MARCHF4: variants seen among roughly 807,000 people sequenced by gnomAD.
The protein encoded by MARCHF4 is membrane associated ring-CH-type finger 4.
In MARCHF4, 14 loss-of-function variants were observed where a neutral mutation model predicts 43.9. The observed-to-expected ratio is 0.32, with a 90% confidence interval of 0.21 to 0.50. MARCHF4 has a LOEUF of 0.50. MARCHF4 is among the 20% of genes least tolerant of loss of function. MARCHF4 has a pLI of 0.98. For missense variants in MARCHF4, 468 were observed against 536.7 expected (o/e 0.87, Z 1.27); for synonymous variants, 226 against 213.3 (o/e 1.06, Z -0.52).
chr2:216,295,560 T>C (rs541403953), intron 1 of MARCHF4, among the ~76,000 whole-genome samples: 14 of 152,332 alleles, frequency 9.2e-5, no homozygotes, highest in Non-Finnish European at 2.1e-4. Flanking sequence ...TGTGGTGTCA[T>C]TGTTGGCTTT....
At chr2:216,343,387 T>G (rs1265396453) in intron 1 of MARCHF4, among the ~76,000 whole-genome samples, 1 of 152,126 alleles carries the variant, frequency 6.6e-6, no homozygotes, top group Non-Finnish European at 1.5e-5. Flanking sequence ...AGCTTTAGTC[T>G]CTTGCTTTTC....
chr2:216,319,507 G>C (rs1052480662), intron 1 of MARCHF4, among the ~76,000 whole-genome samples: 10 of 152,056 alleles, frequency 6.6e-5, no homozygotes, highest in African/African-American at 2.4e-4. Context: ...AAACTATCCA[G>C]GCCCTACCTG....
At position 216,283,577 on chromosome 2, in the gene MARCHF4, C is replaced by A; in HGVS notation, c.669G>T (p.Leu223=). 6.2e-7 allele frequency: 1 copy of A among 1,600,048 alleles called. No homozygotes were observed. The change falls in exon 2 of 4, where the codon CTG becomes CTT. Residue 223 remains leucine (L), a synonymous_variant. Transcript: ENST00000273067. ...ACCAGGCAGCCCTGGGTTGTACCTG[C>A]AGAGGATTTTTTGTGCTTATGGCGA... The part of the protein sequence containing the change: ...HVIAISTKNP[L]QWQAISLTVI...
intron 1 of MARCHF4, among the ~76,000 whole-genome samples, chr2:216,307,163 A>G (rs1298713322): frequency 3.3e-5 from 5 of 152,088 alleles, no homozygotes; most frequent in African/African-American, 1.2e-4. Context: ...AGCACGTTAG[A>G]TGGGCCCTCT....
intron 1 of MARCHF4, among the ~76,000 whole-genome samples, chr2:216,330,431 A>T (rs1692067575): frequency 6.6e-6 from 1 of 152,214 alleles, no homozygotes. Context: ...ACTTTACCAC[A>T]TCTCTCTTGA....
chr2:216,300,119 A>C (rs1691463023), intron 1 of MARCHF4, among the ~76,000 whole-genome samples: 2 of 152,078 alleles, frequency 1.3e-5, no homozygotes, highest in South Asian at 4.2e-4. Context: ...TACCACATTA[A>C]CTTTGTGACC....
intron 1 of MARCHF4, among the ~76,000 whole-genome samples, chr2:216,344,104 T>C (rs1336951664): frequency 1.3e-5 from 2 of 152,110 alleles, no homozygotes; most frequent in Non-Finnish European, 2.9e-5. Flanking sequence ...GAAGATAGTC[T>C]TACTATGATT....
In MARCHF4 at chr2:216,287,209, A is replaced by G. The variant is rs1386624037; in HGVS notation, c.517-3480T>C. Among the ~76,000 whole-genome samples the G allele has an allele frequency of 2.0e-5, 3 of 152,260 alleles. No individual in the cohort carries two copies. The East Asian group carries it at 5.8e-4, about 29-fold the overall frequency. On this transcript the variant is annotated intron_variant, in intron 1 of 3. Transcript: ENST00000273067. ...CTTCACCATTTTCAAATGCTCTGGG[A>G]TTAGAGCTGCTCCTACATACCCCCT...
At chr2:216,297,471 C>T (rs377744209) in intron 1 of MARCHF4, among the ~76,000 whole-genome samples, 1 of 152,270 alleles carries the variant, frequency 6.6e-6, no homozygotes, top group Non-Finnish European at 1.5e-5. Context: ...GCACTGTTTC[C>T]GTCCAAAGGA....
At chr2:216,318,331 G>A (rs1265450131) in intron 1 of MARCHF4, among the ~76,000 whole-genome samples, 1 of 152,234 alleles carries the variant, frequency 6.6e-6, no homozygotes, top group Admixed American at 6.5e-5. Flanking sequence ...GCCAACTGCT[G>A]TAGGGGACGG....
In MARCHF4 at chr2:216,283,741, G is replaced by A. The variant is rs1437849215; in HGVS notation, c.517-12C>T. 3 of 1,593,540 alleles carry A rather than the reference G, an allele frequency of 1.9e-6. No homozygotes were observed. The East Asian group carries it at 6.8e-5, about 36-fold the overall frequency. ...CTCAGCAGCTCCCCCTGCAGGGAGA[G>A]AGCACAGGGTGATGAGGCTGAGACC... On this transcript the variant is annotated splice_polypyrimidine_tract_variant and intron_variant, in intron 1 of 3. Coordinates refer to ENST00000273067, the MANE Select transcript of MARCHF4 (RefSeq NM_020814.3).
chr2:216,277,516 C>T (rs1349749199), intron 3 of MARCHF4, among the ~76,000 whole-genome samples, 156 bp downstream of exon 3: 2 of 152,148 alleles, frequency 1.3e-5, no homozygotes, highest in African/African-American at 4.8e-5. Context: ...CCCATCCACC[C>T]CTTGAATCCA....
chr2:216,327,354 C>T (rs978681409), intron 1 of MARCHF4, among the ~76,000 whole-genome samples: 11 of 152,068 alleles, frequency 7.2e-5, no homozygotes, highest in African/African-American at 2.4e-4. Context: ...TTCACCCCCC[C>T]ACCACCAGCA....
chr2:216,259,080 T>C lies in MARCHF4; in HGVS notation c.*232A>G. ...GTTCAGCCTGTATTGCACTTTGTTG[T>C]TGAGTTGGTGTTGGTTTTCATTGTT... On this transcript the variant is annotated 3_prime_UTR_variant, in exon 4 of 4. Transcript: ENST00000273067. 2.3e-6 allele frequency: 1 copy of C among 430,898 alleles called. No individual in the cohort carries two copies. Among genetic ancestry groups the C allele is most frequent in the Non-Finnish European group, 4.0e-6 (1 of 249,940 alleles). The allele number at this position is 430,898 out of a possible 1,614,324, so 26.7% of individuals were successfully genotyped here.
intron 3 of MARCHF4, among the ~76,000 whole-genome samples, chr2:216,261,755 G>A (rs1174940928): frequency 6.6e-6 from 1 of 152,178 alleles, no homozygotes; most frequent in East Asian, 1.9e-4. Context: ...ACTTGGAAAT[G>A]GCTGAGACCT....
chr2:216,259,321 C>G lies in MARCHF4; in HGVS notation c.1224G>C (p.Thr408=), dbSNP rs201288119. Residue 408 remains threonine (T), a synonymous_variant, in exon 4 of 4, where the codon ACG becomes ACC. Coordinates refer to ENST00000273067, the MANE Select transcript of MARCHF4 (RefSeq NM_020814.3). ...TTCCGGGCCTCTGCTCTCACACTGTCGTGACTCTCATGACCAGCTCTCGGC... is the reference window on the plus strand; with the variant it reads ...TTCCGGGCCTCTGCTCTCACACTGTGGTGACTCTCATGACCAGCTCTCGGC... The part of the protein sequence containing the change: ...GSSRELVMRV[T]TV 6.5e-7 allele frequency: 1 copy of G among 1,548,086 alleles called. No homozygotes were observed. The highest frequency in any genetic ancestry group is 1.2e-5 in the South Asian group (1 of 80,492).
At chr2:216,321,338 T>C (rs1691892837) in intron 1 of MARCHF4, among the ~76,000 whole-genome samples, 1 of 152,168 alleles carries the variant, frequency 6.6e-6, no homozygotes, top group Admixed American at 6.5e-5. Flanking sequence ...TGTATGGATA[T>C]ATATACAATT....
chr2:216,350,842 A>C (rs1207734313), intron 1 of MARCHF4, among the ~76,000 whole-genome samples: 1 of 152,200 alleles, frequency 6.6e-6, no homozygotes, highest in Non-Finnish European at 1.5e-5. Context: ...ACGGAACCAT[A>C]TTTATTTGTT....
At chr2:216,270,267 G>A (rs1473584156) in intron 3 of MARCHF4, among the ~76,000 whole-genome samples, 1 of 152,096 alleles carries the variant, frequency 6.6e-6, no homozygotes, top group Non-Finnish European at 1.5e-5. Flanking sequence ...GTAGAGATGA[G>A]GACTCACTAT....
Sources: gnomAD v4.1 joint callset for allele counts (sites outside exome capture counted in the v4.1 genomes callset) on GRCh38, gnomAD v4.1.1 for gene constraint, MANE v1.5 for transcripts, NCBI Gene and HGNC (gene_info 2026-07-23, HGNC 2026-07-21) for gene names.